Variants in DGKZ observed in about 807,000 individuals in gnomAD.
DGKZ encodes DAG kinase zeta.
A neutral mutation model predicts 142.5 loss-of-function variants in DGKZ; 45 were observed. That is an observed-to-expected ratio of 0.32 (90% CI 0.25 to 0.40). The LOEUF (loss-of-function observed/expected upper bound fraction) is 0.40, where lower values mean the gene tolerates loss of function less well. Among genes scored for constraint, DGKZ ranks in the 10% least tolerant of loss-of-function variants. The pLI is 1.00. For missense variants in DGKZ, 755 were observed against 1,306.5 expected (o/e 0.58, Z 6.51); for synonymous variants, 442 against 527.0 (o/e 0.84, Z 2.21).
intron 1 of DGKZ, among the ~76,000 whole-genome samples, chr11:46,334,950 G>A (rs952359221): frequency 5.3e-5 from 8 of 152,130 alleles, no homozygotes; most frequent in Non-Finnish European, 1.0e-4. Context: ...TCTCTCCCTG[G>A]GCGTCAGTTC....
At chr11:46,346,209 GCTGA>G (rs1280317079), upstream of DGKZ, among the ~76,000 whole-genome samples, 6 of 152,234 alleles carry the variant, frequency 3.9e-5, no homozygotes, top group African/African-American at 9.6e-5. Flanking sequence ...GCTATTTGCG[GCTGA>G]CTAAGGCTGG....
chr11:46,374,287 G>T (rs151281140), intron 15 of DGKZ, 52 bp downstream of exon 15: 1 of 1,612,188 alleles, frequency 6.2e-7, no homozygotes, highest in Admixed American at 1.7e-5. Context: ...GAGTGTCCCC[G>T]GGAGGGTCAG....
At chr11:46,378,531 C>A (rs755168904) in intron 27 of DGKZ, 31 bp downstream of exon 27, 2 of 1,613,034 alleles carry the variant, frequency 1.2e-6, no homozygotes, top group South Asian at 2.2e-5. Flanking sequence ...TTCCTTCCCC[C>A]AGCAGCTCCC....
intron 6 of DGKZ, 132 bp downstream of exon 6, chr11:46,370,141 T>A (rs1943785251): frequency 1.8e-6 from 2 of 1,100,996 alleles, no homozygotes; most frequent in African/African-American, 3.1e-5. Flanking sequence ...TCAGCCTGGC[T>A]GCAGTGCCTT....
intron 1 of DGKZ, among the ~76,000 whole-genome samples, chr11:46,339,267 A>C (rs1194002054): frequency 1.3e-5 from 2 of 152,228 alleles, no homozygotes; most frequent in Non-Finnish European, 2.9e-5. Context: ...GATGGGGCCG[A>C]TTTGTAATTT....
At chr11:46,380,185 C>A in exon 31 of DGKZ, 3 of 475,062 alleles carry the variant, frequency 6.3e-6, no homozygotes, top group South Asian at 3.1e-5. Context: ...GAACAAGACA[C>A]GGCTGGGTTG....
intron 15 of DGKZ, 40 bp downstream of exon 15, chr11:46,374,275 A>G (rs763831538): frequency 6.8e-6 from 11 of 1,612,980 alleles, no homozygotes; most frequent in Non-Finnish European, 9.3e-6. Flanking sequence ...GGGTGGGCAC[A>G]GGAGTGTCCC....
Position 46,357,934 on chromosome 11 carries a change from G to T in DGKZ, c.162-9357G>T, listed in dbSNP as rs1045278152. Among the ~76,000 whole-genome samples the T allele has an allele frequency of 7.2e-5, 11 of 152,326 alleles. No individual in the cohort carries two copies. In the South Asian group the frequency reaches 2.3e-3, roughly 32 times the overall value. Reference sequence around the variant, plus strand: ...GGGGCACAGAGAATAGGCTGGCTTGGTTAGAACTAAGGCTTCGTGTCACAG... The same window carrying T: ...GGGGCACAGAGAATAGGCTGGCTTGTTTAGAACTAAGGCTTCGTGTCACAG... On this transcript the variant is annotated intron_variant, in intron 1 of 30. Coordinates refer to ENST00000527911, the Ensembl canonical transcript of DGKZ.
chr11:46,361,113 G>C (rs1565030736), intron 1 of DGKZ, among the ~76,000 whole-genome samples: 1 of 152,222 alleles, frequency 6.6e-6, no homozygotes, highest in Non-Finnish European at 1.5e-5. Context: ...CTGGTGAAAA[G>C]TACTTTGTAA....
At chr11:46,366,775 T>C (rs1449251134) in intron 1 of DGKZ, 1 of 1,548,852 alleles carries the variant, frequency 6.5e-7, no homozygotes, top group Non-Finnish European at 8.7e-7. Flanking sequence ...ATGCCGTATA[T>C]GACCACGCTC....
At chr11:46,371,675 C>A in intron 8 of DGKZ, 29 bp from the exon 9 acceptor site, 1 of 1,613,882 alleles carries the variant, frequency 6.2e-7, no homozygotes, top group Non-Finnish European at 8.5e-7. Context: ...CTGCCCACCT[C>A]GTCACCAACA....
chr11:46,350,435 A>G (rs970968902), intron 1 of DGKZ, among the ~76,000 whole-genome samples: 38 of 152,174 alleles, frequency 2.5e-4, no homozygotes, highest in African/African-American at 8.7e-4. Flanking sequence ...TCCCAGCTCC[A>G]TGCTAGCTCT....
In DGKZ at chr11:46,372,549, G is replaced by GA; in HGVS notation, c.1010+41dup. On this transcript the variant is annotated intron_variant, in intron 11 of 30. Transcript: ENST00000527911. The surrounding 1 kb of genome is among the most constrained non-coding windows in gnomAD (Gnocchi z 5.9). ...AAGGTTTTGTGGGGGACATGGGGGG[G>GA]AACTTGCCTCACTCCTGGGGTACAG... 6.2e-7 allele frequency: 1 copy of GA among 1,613,774 alleles called. No individual in the cohort carries two copies. Among genetic ancestry groups the GA allele is most frequent in the Non-Finnish European group, 8.5e-7 (1 of 1,179,884 alleles).
chr11:46,367,930 C>T lies in DGKZ; in HGVS notation c.367-72C>T, dbSNP rs1163888247. On this transcript the variant is annotated intron_variant, in intron 3 of 30. Transcript: ENST00000527911. The surrounding 1 kb of genome is among the most constrained non-coding windows in gnomAD (Gnocchi z 4.1). ...GCTTCCCAGTGCACACAAAGGGCAG[C>T]TGTGCTGGGGCAGGCAGCCTCCGAG... is the stretch of plus-strand genomic sequence containing the variant. 2 of 1,569,040 alleles carry T rather than the reference C, an allele frequency of 1.3e-6. No individual in the cohort carries two copies. The highest frequency in any genetic ancestry group is 1.1e-5 in the South Asian group (1 of 90,010).
intron 1 of DGKZ, among the ~76,000 whole-genome samples, chr11:46,335,699 G>T (rs1221991981): frequency 6.6e-6 from 1 of 152,220 alleles, no homozygotes; most frequent in Admixed American, 6.5e-5. Flanking sequence ...GTTAGTCTAG[G>T]AACCCAGTCT....
chr11:46,348,869 A>G (rs1941010519), intron 1 of DGKZ, among the ~76,000 whole-genome samples: 2 of 152,152 alleles, frequency 1.3e-5, no homozygotes, highest in Non-Finnish European at 2.9e-5. Context: ...CAAGGACCCC[A>G]GAGCCACCTC....
intron 1 of DGKZ, chr11:46,365,788 G>T: frequency 1.0e-6 from 1 of 985,388 alleles, no homozygotes; most frequent in Non-Finnish European, 1.2e-6. Context: ...CAAGTGGGAA[G>T]CCCTGCCCTG....
Position 46,375,644 on chromosome 11 carries a change from C to T in DGKZ, c.1910+13C>T, listed in dbSNP as rs747364103. On this transcript the variant is annotated intron_variant, in intron 20 of 30. Coordinates refer to ENST00000527911, the Ensembl canonical transcript of DGKZ. The stretch of plus-strand genomic sequence containing the variant: ...CCCTGCACAGCGAGTACGTCCCACC[C>T]TGCCACGTGCCCTGGGTGCCAAGGC... 1.3e-6 allele frequency: 2 copies of T among 1,545,180 alleles called. No individual in the cohort carries two copies. Among genetic ancestry groups the T allele is most frequent in the South Asian group, 1.2e-5 (1 of 84,808 alleles).
In DGKZ at chr11:46,373,274, G is replaced by GT. The variant is rs1013613075; in HGVS notation, c.1326+183dup. Among the ~76,000 whole-genome samples, 505 of 120,826 alleles carry GT rather than the reference G, an allele frequency of 4.2e-3. 1 individual carries two copies. Among genetic ancestry groups the GT allele is most frequent in the Admixed American group, 7.0e-3 (86 of 12,226 alleles). The allele number at this position is 120,826 out of a possible 152,430, so 79.3% of individuals were successfully genotyped here. ...CCTCACAAGATGCTGTTTTTTCTGTGTTTTTTTTTTGTTTTTTTTTTTTTT... is the reference window on the plus strand; with the variant it reads ...CCTCACAAGATGCTGTTTTTTCTGTGTTTTTTTTTTTGTTTTTTTTTTTTTT... On this transcript the variant is annotated intron_variant, in intron 14 of 30. Coordinates refer to ENST00000527911, the Ensembl canonical transcript of DGKZ.
Sources: gnomAD v4.1 joint callset for allele counts (sites outside exome capture counted in the v4.1 genomes callset) on GRCh38, gnomAD v4.1.1 for gene constraint, Gnocchi (gnomAD v3.1) non-coding constraint, MANE v1.5 for transcripts, NCBI Gene and HGNC (gene_info 2026-07-23, HGNC 2026-07-21) for gene names.